The following CCDC146 variants were observed in gnomAD, a reference collection of about 807,000 sequenced individuals.
CCDC146 encodes the protein coiled-coil domain containing 146, also known as coiled-coil domain-containing protein 146.
A neutral mutation model predicts 119.3 loss-of-function variants in CCDC146; 92 were observed. The observed-to-expected ratio is 0.77, with a 90% confidence interval of 0.65 to 0.92. CCDC146 has a LOEUF of 0.92. Among genes scored for constraint, CCDC146 ranks in the 40% least tolerant of loss-of-function variants. The pLI is 0.00. For missense variants in CCDC146, 1,000 were observed against 1,103.0 expected (o/e 0.91, Z 1.32); for synonymous variants, 372 against 371.8 (o/e 1.00, Z -0.01).
intron 2 of CCDC146, among the ~76,000 whole-genome samples, chr7:77,170,325 G>A (rs1431609760): frequency 6.7e-6 from 1 of 148,916 alleles, no homozygotes; most frequent in Non-Finnish European, 1.5e-5. Flanking sequence ...CTATATGGTT[G>A]CATAGTATTC....
intron 13 of CCDC146, among the ~76,000 whole-genome samples, 179 bp from the exon 14 acceptor site, chr7:77,280,246 TGGAA>T (rs1793738990): frequency 6.6e-6 from 1 of 152,136 alleles, no homozygotes; most frequent in Non-Finnish European, 1.5e-5. Context: ...ATCTGAGACC[TGGAA>T]GGATTATGAA....
intron 9 of CCDC146, among the ~76,000 whole-genome samples, chr7:77,270,422 T>A (rs1793489518): frequency 6.6e-6 from 1 of 152,046 alleles, no homozygotes; most frequent in Non-Finnish European, 1.5e-5. Flanking sequence ...CTAAAAGAAC[T>A]ATCATAAGCT....
intron 2 of CCDC146, among the ~76,000 whole-genome samples, chr7:77,217,575 A>AT (rs1792324574): frequency 6.6e-6 from 1 of 151,818 alleles, no homozygotes; most frequent in African/African-American, 2.4e-5. Flanking sequence ...AGAGAGAGAG[A>AT]GAGAGTTATA....
chr7:77,195,075 C>A (rs1791840111), intron 2 of CCDC146: 1 of 152,086 alleles, frequency 6.6e-6, no homozygotes, highest in Non-Finnish European at 1.5e-5. Flanking sequence ...TGAAGTGAAT[C>A]ACTTAATGAT....
intron 1 of CCDC146, among the ~76,000 whole-genome samples, chr7:77,127,646 A>C (rs1227045300): frequency 5.9e-5 from 9 of 152,128 alleles, no homozygotes; most frequent in Admixed American, 1.3e-4. Context: ...GATTGTTAGA[A>C]TATTGTTAAT....
At chr7:77,156,944 C>T in intron 1 of CCDC146, among the ~76,000 whole-genome samples, 1 of 148,502 alleles carries the variant, frequency 6.7e-6, no homozygotes, top group East Asian at 1.9e-4. Flanking sequence ...ATTGAAGGCA[C>T]TTGTCATACA....
intron 2 of CCDC146, among the ~76,000 whole-genome samples, chr7:77,175,003 A>G (rs889785671): frequency 2.6e-5 from 4 of 151,946 alleles, no homozygotes; most frequent in Admixed American, 1.3e-4. Flanking sequence ...ATGCTGTCAC[A>G]TGTCCAGGGT....
intron 1 of CCDC146, among the ~76,000 whole-genome samples, chr7:77,130,895 C>T (rs62474250): frequency 6.9e-6 from 1 of 145,170 alleles, no homozygotes; most frequent in East Asian, 2.1e-4. Flanking sequence ...CCGCGCCCGG[C>T]CCTTTTTTTT....
At chr7:77,158,581 G>T (rs528840125) in intron 1 of CCDC146, among the ~76,000 whole-genome samples, 1 of 152,010 alleles carries the variant, frequency 6.6e-6, no homozygotes, top group Admixed American at 6.5e-5. Flanking sequence ...GTGCAGTGGC[G>T]CTATCTCGGC....
At chr7:77,219,656 G>A (rs3095477) in intron 2 of CCDC146, among the ~76,000 whole-genome samples, 93,245 of 152,022 alleles carry the variant, frequency 0.61, 29,802 homozygotes, top group African/African-American at 0.79. Context: ...CCAGCCCCCA[G>A]TATTTCAATG....
intron 5 of CCDC146, 25 bp from the exon 6 acceptor site, chr7:77,256,308 C>A: frequency 6.4e-7 from 1 of 1,555,868 alleles, no homozygotes; most frequent in Non-Finnish European, 8.7e-7. Flanking sequence ...ACTATATAAC[C>A]TAATCATCTT....
At chr7:77,156,430 G>A (rs1791180250) in intron 1 of CCDC146, among the ~76,000 whole-genome samples, 2 of 145,108 alleles carry the variant, frequency 1.4e-5, no homozygotes, top group African/African-American at 5.2e-5. Context: ...TTCTTTTTTC[G>A]AAAGTCCTCT....
chr7:77,288,495 C>T (rs111351436), intron 17 of CCDC146, among the ~76,000 whole-genome samples: 25 of 152,308 alleles, frequency 1.6e-4, no homozygotes, highest in Middle Eastern at 3.4e-3. Flanking sequence ...CGTGCAGGCA[C>T]GGGACTCACT....
chr7:77,140,043 C>T (rs1790911721), intron 1 of CCDC146, among the ~76,000 whole-genome samples: 1 of 151,962 alleles, frequency 6.6e-6, no homozygotes, highest in African/African-American at 2.4e-5. Context: ...TACAGGCGTG[C>T]ACCATCACAC....
At chr7:77,207,394 C>A (rs1792100321) in intron 2 of CCDC146, among the ~76,000 whole-genome samples, 1 of 151,954 alleles carries the variant, frequency 6.6e-6, no homozygotes, top group Non-Finnish European at 1.5e-5. Context: ...TTTAAACTAC[C>A]CACCATTATT....
At chr7:77,240,710 G>A (rs1456965001) in intron 3 of CCDC146, among the ~76,000 whole-genome samples, 3 of 152,132 alleles carry the variant, frequency 2.0e-5, no homozygotes, top group Non-Finnish European at 2.9e-5. Flanking sequence ...AATAATATAC[G>A]AAGTTCCCGT....
At chr7:77,203,959 A>G (rs1354586545) in intron 2 of CCDC146, among the ~76,000 whole-genome samples, 1 of 152,184 alleles carries the variant, frequency 6.6e-6, no homozygotes, top group African/African-American at 2.4e-5. Flanking sequence ...TATTTAAGAG[A>G]AGATCTGCAT....
chr7:77,132,553 C>CAAAAAAA (rs58502705), intron 1 of CCDC146, among the ~76,000 whole-genome samples: 1 of 107,106 alleles, frequency 9.3e-6, no homozygotes, highest in Non-Finnish European at 1.8e-5. Flanking sequence ...TCGATCTCTA[C>CAAAAAAA]AAAAAAAAAA....
intron 11 of CCDC146, among the ~76,000 whole-genome samples, chr7:77,275,456 G>A (rs1377578185): frequency 1.3e-5 from 2 of 152,196 alleles, no homozygotes; most frequent in Non-Finnish European, 2.9e-5. Flanking sequence ...TGGGAAAGGA[G>A]ATCATTGATA....
Sources: allele counts gnomAD v4.1 joint callset (sites outside exome capture counted in the v4.1 genomes callset), GRCh38; gene constraint gnomAD v4.1.1; transcripts MANE v1.5; gene names NCBI Gene and HGNC (gene_info 2026-07-23, HGNC 2026-07-21).